ZC3H3: variants seen among roughly 807,000 people sequenced by gnomAD.
ZC3H3 encodes the protein zinc finger CCCH-type containing 3.
Under a neutral mutation model 77.3 loss-of-function variants are expected in ZC3H3, and 36 were observed. The ratio of observed to expected loss-of-function variants is 0.47; its 90% confidence interval spans 0.36 to 0.61. The LOEUF (loss-of-function observed/expected upper bound fraction) is 0.61. ZC3H3 is among the 20% of genes least tolerant of loss of function. The pLI, the probability that ZC3H3 is intolerant of heterozygous loss-of-function variation, is 0.00. For synonymous variants in ZC3H3, 626 were observed against 555.2 expected (o/e 1.13, Z -1.79); for missense variants, 1,331 against 1,312.2 (o/e 1.01, Z -0.22).
At chr8:143,469,542 T>C (rs58884323) in intron 5 of ZC3H3, among the ~76,000 whole-genome samples, 3,542 of 152,254 alleles carry the variant, frequency 0.023, 128 homozygotes, top group African/African-American at 0.079. Context: ...ACCCCAAGCA[T>C]AAGCACCACC....
intron 2 of ZC3H3, among the ~76,000 whole-genome samples, 162 bp from the exon 3 acceptor site, chr8:143,536,615 C>T (rs985677619): frequency 6.6e-6 from 1 of 152,176 alleles, no homozygotes; most frequent in Non-Finnish European, 1.5e-5. Flanking sequence ...CATGGCGGCC[C>T]TGCCCACCCT....
intron 3 of ZC3H3, among the ~76,000 whole-genome samples, chr8:143,513,389 C>T (rs1586943627): frequency 6.6e-6 from 1 of 152,292 alleles, no homozygotes; most frequent in East Asian, 1.9e-4. Flanking sequence ...CCAGAGTCCC[C>T]ATCTCCTCTC....
intron 3 of ZC3H3, among the ~76,000 whole-genome samples, chr8:143,516,239 T>G (rs570124789): frequency 6.6e-6 from 1 of 152,212 alleles, no homozygotes; most frequent in South Asian, 2.1e-4. Flanking sequence ...TTTATGAGTC[T>G]AATAAATCAC....
chr8:143,503,572 A>C (rs1198537621), intron 4 of ZC3H3, among the ~76,000 whole-genome samples: 1 of 14,528 alleles, frequency 6.9e-5, no homozygotes, highest in African/African-American at 3.1e-4. Flanking sequence ...CACCTCCCCC[A>C]GCACCCAGCC....
At position 143,539,240 on chromosome 8, in the gene ZC3H3, T is replaced by TGG. The variant is rs1386203547; in HGVS notation, c.125_126dup (p.Thr43ProfsTer36). ...CTAAAGGCTCTGCCACTGTGGTAAG[T>TGG]GGGTGGCTGCCACCCAGAAGCTGCT... is the stretch of plus-strand genomic sequence containing the variant. On this transcript the variant is annotated frameshift_variant, in exon 2 of 12. Transcript: ENST00000262577. LOFTEE classifies it high-confidence loss of function. The TGG allele has an allele frequency of 6.2e-7, 1 of 1,612,726 alleles. No individual in the cohort carries two copies.
chr8:143,452,659 A>G (rs942075934), intron 9 of ZC3H3, among the ~76,000 whole-genome samples: 3 of 152,272 alleles, frequency 2.0e-5, no homozygotes, highest in Non-Finnish European at 2.9e-5. Flanking sequence ...CCAAATGAAA[A>G]TTTTAGAACT....
In ZC3H3 at chr8:143,506,911, G is replaced by A. The variant is rs73369486; in HGVS notation, c.1715+835C>T. ...CCGGTGGGTGGCCGTGCCCTGGGCC[G>A]TGGCTGCTCGCCCTGAGGCCCTGCC... On this transcript the variant is annotated intron_variant, in intron 4 of 11. Coordinates refer to ENST00000262577, the MANE Select transcript of ZC3H3 (RefSeq NM_015117.3). 6.5e-3 allele frequency among the ~76,000 whole-genome samples: 991 copies of A among 152,318 alleles called. 13 individuals carry two copies. The highest frequency in any genetic ancestry group is 0.022 in the African/African-American group (933 of 41,574).
intron 4 of ZC3H3, among the ~76,000 whole-genome samples, chr8:143,507,378 A>G (rs1821734514): frequency 6.6e-6 from 1 of 152,194 alleles, no homozygotes. Context: ...CTCCCACCAG[A>G]AGCTTCTCCC....
chr8:143,506,051 C>T (rs1195136285), intron 4 of ZC3H3, among the ~76,000 whole-genome samples: 2 of 152,244 alleles, frequency 1.3e-5, no homozygotes, highest in African/African-American at 4.8e-5. Flanking sequence ...GGCCGGCTGC[C>T]ACCTCCTCCT....
At chr8:143,476,468 A>T (rs1167847667) in intron 4 of ZC3H3, among the ~76,000 whole-genome samples, 1 of 152,172 alleles carries the variant, frequency 6.6e-6, no homozygotes, top group Non-Finnish European at 1.5e-5. Flanking sequence ...GCCAAGGGGC[A>T]GAGTAAGACA....
intron 8 of ZC3H3, among the ~76,000 whole-genome samples, chr8:143,466,198 C>T (rs1820404613): frequency 6.6e-6 from 1 of 152,196 alleles, no homozygotes; most frequent in South Asian, 2.1e-4. Flanking sequence ...CAACCACTAG[C>T]CTGTGGCCAG....
At chr8:143,518,119 G>A (rs115576025) in intron 3 of ZC3H3, among the ~76,000 whole-genome samples, 2,836 of 152,310 alleles carry the variant, frequency 0.019, 88 homozygotes, top group African/African-American at 0.065. Context: ...AGGGGCTGGC[G>A]CTGTGGGCCA....
In ZC3H3 at chr8:143,494,449, G is replaced by A. The variant is rs911033299; in HGVS notation, c.1715+13297C>T. Among the ~76,000 whole-genome samples, 1 of 152,140 alleles carries A rather than the reference G, an allele frequency of 6.6e-6. No individual in the cohort carries two copies. Among genetic ancestry groups the A allele is most frequent in the East Asian group, 1.9e-4 (1 of 5,186 alleles). On this transcript the variant is annotated intron_variant, in intron 4 of 11. Transcript: ENST00000262577. The surrounding 1 kb of genome is among the most constrained non-coding windows in gnomAD (Gnocchi z 5.3). Reference sequence around the variant, plus strand: ...GATGGGGCTCCGGCAGATGACCCCCGAGGGGTGAGCACAGGACCTCACCCC... The same window carrying A: ...GATGGGGCTCCGGCAGATGACCCCCAAGGGGTGAGCACAGGACCTCACCCC...
intron 4 of ZC3H3, among the ~76,000 whole-genome samples, chr8:143,488,936 T>C (rs1348969444): frequency 2.0e-5 from 3 of 152,330 alleles, no homozygotes; most frequent in African/African-American, 7.2e-5. Context: ...GATGGCACCC[T>C]CCTCAGATCC....
At chr8:143,463,178 T>C (rs530893608) in intron 9 of ZC3H3, among the ~76,000 whole-genome samples, 1 of 152,132 alleles carries the variant, frequency 6.6e-6, no homozygotes, top group East Asian at 1.9e-4. Context: ...AGAGATGGGG[T>C]TTCACCATGT....
At chr8:143,524,014 G>A (rs1822334203) in intron 3 of ZC3H3, among the ~76,000 whole-genome samples, 1 of 152,240 alleles carries the variant, frequency 6.6e-6, no homozygotes, top group South Asian at 2.1e-4. Context: ...AGCCAGCGGG[G>A]GAGGGCGCAA....
rs1395174974 is a variant in ZC3H3 at position 143,440,114 on chromosome 8, G to A, written c.2742C>T (p.Ser914=). 2.5e-6 allele frequency: 4 copies of A among 1,610,282 alleles called. No homozygotes were observed. Among genetic ancestry groups the A allele is most frequent in the Non-Finnish European group, 2.5e-6 (3 of 1,179,288 alleles). Residue 914 remains serine, a synonymous_variant, in exon 11 of 12, where the codon TCC becomes TCT. Transcript: ENST00000262577. ...NRLCKLPSFI[S]LQSSPSPGAQ... ...CTCCTGGGCTCGGCGAGGACTGCAG[G>A]GAGATGAAGGAAGGCAGCTTGCAGA...
chr8:143,517,329 G>C (rs754886672), intron 3 of ZC3H3, among the ~76,000 whole-genome samples: 23 of 152,136 alleles, frequency 1.5e-4, no homozygotes, highest in Non-Finnish European at 2.8e-4. Flanking sequence ...GCCCTCCACG[G>C]CTGGAGAAGA....
Position 143,468,491 on chromosome 8 carries a change from T to C in ZC3H3, c.1996A>G (p.Arg666Gly). Residue 666 changes from arginine (R) to glycine (G), a missense_variant, in exon 7 of 12, where the codon AGG (arginine) becomes GGG (glycine). Coordinates refer to ENST00000262577, the MANE Select transcript of ZC3H3 (RefSeq NM_015117.3). ...ATGCAGTACTCCTTCCTCTTCTCCC[T>C]GCGCTGCCGCGCCTGCCGGATGATG... ...LAIIRQARQR[R>G]EKRKEYCMYY... The C allele has an allele frequency of 1.2e-6, 2 of 1,608,416 alleles. No individual in the cohort carries two copies. Among genetic ancestry groups the C allele is most frequent in the Non-Finnish European group, 1.7e-6 (2 of 1,178,170 alleles).
Sources: gnomAD v4.1 joint callset for allele counts (sites outside exome capture counted in the v4.1 genomes callset) on GRCh38, gnomAD v4.1.1 for gene constraint, Gnocchi (gnomAD v3.1) non-coding constraint, MANE v1.5 for transcripts, NCBI Gene and HGNC (gene_info 2026-07-23, HGNC 2026-07-21) for gene names.